Variants in NKAIN2 observed in about 807,000 individuals in gnomAD.
NKAIN2 encodes sodium/potassium transporting ATPase interacting 2.
In NKAIN2, 14 loss-of-function variants were observed where a neutral mutation model predicts 32.6. That is an observed-to-expected ratio of 0.43 (90% CI 0.28 to 0.67). The LOEUF is 0.67. Ranked by LOEUF, NKAIN2 falls within the 30% of genes least tolerant of loss-of-function variation. NKAIN2 has a pLI of 0.17. For synonymous variants in NKAIN2, 80 were observed against 87.2 expected, an observed-to-expected ratio of 0.92 and a Z score of 0.46; for missense variants, 198 against 258.3, an observed-to-expected ratio of 0.77 and a Z score of 1.60.
At chr6:124,466,212 T>G (rs1776748154) in intron 3 of NKAIN2, among the ~76,000 whole-genome samples, 1 of 152,198 alleles carries the variant, frequency 6.6e-6, no homozygotes, top group East Asian at 1.9e-4. Flanking sequence ...CCAAGTTTTA[T>G]AAAAGAGGAT....
intron 1 of NKAIN2, among the ~76,000 whole-genome samples, chr6:124,038,209 A>T (rs1253352876): frequency 6.6e-6 from 1 of 152,068 alleles, no homozygotes; most frequent in Non-Finnish European, 1.5e-5. Flanking sequence ...TGCGTGATTT[A>T]GTGATATGGT....
At chr6:123,850,592 T>C (rs1775299608) in intron 1 of NKAIN2, among the ~76,000 whole-genome samples, 1 of 152,158 alleles carries the variant, frequency 6.6e-6, no homozygotes, top group South Asian at 2.1e-4. Flanking sequence ...TTTGTTTCAC[T>C]TTGTAATTTT....
intron 3 of NKAIN2, among the ~76,000 whole-genome samples, chr6:124,653,324 G>A (rs1238917547): frequency 6.6e-6 from 1 of 151,022 alleles, no homozygotes; most frequent in Non-Finnish European, 1.5e-5. Context: ...ACAGAATAGA[G>A]AACCTAGAAG....
intron 3 of NKAIN2, among the ~76,000 whole-genome samples, chr6:124,546,986 C>G (rs1233959412): frequency 6.6e-6 from 1 of 152,072 alleles, no homozygotes; most frequent in East Asian, 1.9e-4. Context: ...CTTTCCTTTC[C>G]TAATGGGCAA....
At chr6:123,847,075 A>G (rs1562216139) in intron 1 of NKAIN2, among the ~76,000 whole-genome samples, 1 of 152,242 alleles carries the variant, frequency 6.6e-6, no homozygotes, top group Admixed American at 6.5e-5. Flanking sequence ...ATAAATTCTA[A>G]GTGTGCTTTT....
At chr6:124,555,393 C>A (rs1447057507) in intron 3 of NKAIN2, among the ~76,000 whole-genome samples, 1 of 152,206 alleles carries the variant, frequency 6.6e-6, no homozygotes, top group Non-Finnish European at 1.5e-5. Flanking sequence ...CCCCGTTCCC[C>A]AATTCCTCTA....
intron 1 of NKAIN2, among the ~76,000 whole-genome samples, chr6:123,825,342 G>T (rs1292455235): frequency 1.3e-5 from 2 of 152,064 alleles, no homozygotes; most frequent in Non-Finnish European, 2.9e-5. Flanking sequence ...CTATTATCTG[G>T]GAAGTAGCAT....
chr6:124,503,855 C>G (rs998258745), intron 3 of NKAIN2, among the ~76,000 whole-genome samples: 2 of 152,070 alleles, frequency 1.3e-5, no homozygotes, highest in Admixed American at 6.6e-5. Context: ...ATTTGACACT[C>G]TAATTGGGAA....
At chr6:123,826,694 A>G (rs1295007150) in intron 1 of NKAIN2, among the ~76,000 whole-genome samples, 1 of 152,026 alleles carries the variant, frequency 6.6e-6, no homozygotes, top group Non-Finnish European at 1.5e-5. Context: ...TCAGAGTTCC[A>G]TTTCTTTTTA....
At chr6:124,348,103 C>G (rs953071987) in intron 2 of NKAIN2, among the ~76,000 whole-genome samples, 1 of 152,202 alleles carries the variant, frequency 6.6e-6, no homozygotes, top group East Asian at 1.9e-4. Flanking sequence ...AGGTCCACTC[C>G]AGACCCTGTT....
chr6:123,850,673 T>C (rs1217962964), intron 1 of NKAIN2, among the ~76,000 whole-genome samples: 1 of 152,230 alleles, frequency 6.6e-6, no homozygotes, highest in African/African-American at 2.4e-5. Context: ...TTTTGAAATA[T>C]GCAGTTGCTA....
intron 4 of NKAIN2, among the ~76,000 whole-genome samples, chr6:124,789,695 T>G (rs1249775186): frequency 6.6e-6 from 1 of 151,964 alleles, no homozygotes; most frequent in Non-Finnish European, 1.5e-5. Context: ...GGTTTTTAAT[T>G]AGTACTCGGA....
chr6:124,511,267 G>A (rs891042951), intron 3 of NKAIN2, among the ~76,000 whole-genome samples: 2 of 152,118 alleles, frequency 1.3e-5, no homozygotes, highest in Non-Finnish European at 2.9e-5. Flanking sequence ...ATCAAATAGA[G>A]AGAAAAACAG....
chr6:124,128,504 G>A (rs961478848), intron 1 of NKAIN2, among the ~76,000 whole-genome samples: 3 of 152,050 alleles, frequency 2.0e-5, no homozygotes, highest in African/African-American at 7.2e-5. Flanking sequence ...AACTTTATAT[G>A]TACCCTTAAT....
In NKAIN2 at chr6:124,285,739, A is replaced by G. The variant is rs113230617; in HGVS notation, c.192+2597A>G. On this transcript the variant is annotated intron_variant, in intron 2 of 6. Coordinates refer to ENST00000368417, the MANE Select transcript of NKAIN2 (RefSeq NM_001040214.3). ...CCCCCACACAGCCAAAAATCTGCTT[A>G]TAACTTTCTACTCCTCAAAAACTTA... Among the ~76,000 whole-genome samples, 318 of 152,270 alleles carry G rather than the reference A, an allele frequency of 2.1e-3. 2 individuals are homozygous for G. The highest frequency in any genetic ancestry group is 6.9e-3 in the African/African-American group (287 of 41,566).
At chr6:124,583,964 CT>C (rs1442368631) in intron 3 of NKAIN2, among the ~76,000 whole-genome samples, 1 of 152,162 alleles carries the variant, frequency 6.6e-6, no homozygotes, top group Admixed American at 6.6e-5. Flanking sequence ...AACTAGACCC[CT>C]ATCTCTCACC....
chr6:124,816,651 C>A (rs963930310), intron 5 of NKAIN2, among the ~76,000 whole-genome samples: 2 of 152,120 alleles, frequency 1.3e-5, no homozygotes, highest in Admixed American at 1.3e-4. Flanking sequence ...ACAGACATCA[C>A]GGACTTTATG....
chr6:124,076,471 G>A (rs1004092716), intron 1 of NKAIN2, among the ~76,000 whole-genome samples: 8 of 152,146 alleles, frequency 5.3e-5, no homozygotes, highest in African/African-American at 1.4e-4. Context: ...ATTTTGCTAG[G>A]CTGTTTATGA....
At chr6:124,543,892 G>C (rs1779997237) in intron 3 of NKAIN2, among the ~76,000 whole-genome samples, 1 of 152,122 alleles carries the variant, frequency 6.6e-6, no homozygotes, top group Non-Finnish European at 1.5e-5. Context: ...AAAAGGTAGG[G>C]ACAAGCCAGG....
Sources: gnomAD v4.1 joint callset for allele counts (sites outside exome capture counted in the v4.1 genomes callset) on GRCh38, gnomAD v4.1.1 for gene constraint, MANE v1.5 for transcripts, NCBI Gene and HGNC (gene_info 2026-07-23, HGNC 2026-07-21) for gene names.